The following DNAH7 variants were observed in gnomAD, a reference collection of about 807,000 sequenced individuals.
The protein encoded by DNAH7 is axonemal beta dynein heavy chain 7.
DNAH7 carries 397 observed loss-of-function variants against 444.6 expected under a neutral mutation model. The ratio of observed to expected loss-of-function variants is 0.89; its 90% confidence interval spans 0.82 to 0.97. The LOEUF (loss-of-function observed/expected upper bound fraction) is 0.97. Among genes scored for constraint, DNAH7 ranks in the 50% least tolerant of loss-of-function variants. The probability of loss-of-function intolerance (pLI) is 0.00; values close to 1 mark genes in which losing one functional copy is unlikely to be tolerated. For synonymous variants in DNAH7, 1,636 were observed against 1,624.4 expected, an observed-to-expected ratio of 1.01 and a Z score of -0.17; for missense variants, 4,902 against 4,800.8, an observed-to-expected ratio of 1.02 and a Z score of -0.62.
Position 196,058,069 on chromosome 2 carries a change from T to C in DNAH7, c.63A>G (p.Leu21=). The C allele has an allele frequency of 6.3e-7, 1 of 1,575,234 alleles. No homozygotes were observed. Among genetic ancestry groups the C allele is most frequent in the Non-Finnish European group, 8.6e-7 (1 of 1,159,636 alleles). The change falls in exon 2 of 65, where the codon CTA becomes CTG. Residue 21 remains leucine (L), a synonymous_variant. Transcript: ENST00000312428. The stretch of plus-strand genomic sequence containing the variant: ...GGTAAATTACCATAGACAGCTGTGG[T>C]AGAAATCTTACTGGTTTCTTGGATT... The part of the protein sequence containing the change: ...KEKSKKPVRF[L]PQLSMEKLAS...
chr2:195,861,628 AAAT>A (rs1320869938), intron 42 of DNAH7, 86 bp downstream of exon 42: 1 of 852,342 alleles, frequency 1.2e-6, no homozygotes, highest in East Asian at 2.6e-5. Flanking sequence ...TCTACGAAAT[AAAT>A]CTCCATTATA....
intron 56 of DNAH7, among the ~76,000 whole-genome samples, chr2:195,795,122 T>C (rs1696074008): frequency 6.6e-6 from 1 of 152,224 alleles, no homozygotes; most frequent in East Asian, 1.9e-4. Context: ...GGCTCACGCC[T>C]GTAATCCCAG....
At chr2:195,862,806 C>T (rs1700098666) in intron 41 of DNAH7, among the ~76,000 whole-genome samples, 1 of 152,110 alleles carries the variant, frequency 6.6e-6, no homozygotes, top group Non-Finnish European at 1.5e-5. Context: ...GAGGCCGAGG[C>T]GGGCAGATCA....
At chr2:195,970,178 G>T in intron 16 of DNAH7, 84 bp from the exon 17 acceptor site, 1 of 1,269,376 alleles carries the variant, frequency 7.9e-7, no homozygotes, top group Non-Finnish European at 1.1e-6. Flanking sequence ...GGAGTTATCA[G>T]AATTATTATT....
intron 61 of DNAH7, among the ~76,000 whole-genome samples, chr2:195,762,153 C>T (rs1165574698): frequency 6.6e-6 from 1 of 151,982 alleles, no homozygotes; most frequent in East Asian, 1.9e-4. Context: ...TTTGTTTATG[C>T]AATCGGTTTT....
intron 48 of DNAH7, among the ~76,000 whole-genome samples, chr2:195,832,444 CT>C (rs56382676): frequency 2.9e-3 from 422 of 144,254 alleles, no homozygotes; most frequent in African/African-American, 7.9e-3. Flanking sequence ...TTCTTTCTTT[CT>C]TTTTTTTTTT....
intron 64 of DNAH7, among the ~76,000 whole-genome samples, 147 bp downstream of exon 64, chr2:195,740,599 GTGTGTGTGTGTGTGTGTATA>G (rs1183590512): frequency 4.9e-4 from 17 of 34,868 alleles, no homozygotes; most frequent in African/African-American, 1.5e-3. Context: ...GTGTGTGTGT[GTGTGTGTGTGTGTGTGTATA>G]TATATATATA....
intron 63 of DNAH7, among the ~76,000 whole-genome samples, chr2:195,747,498 A>G (rs1174204874): frequency 6.6e-6 from 1 of 152,244 alleles, no homozygotes; most frequent in East Asian, 1.9e-4. Flanking sequence ...TGAGGCCAGC[A>G]TCATCCTGAT....
intron 15 of DNAH7, among the ~76,000 whole-genome samples, chr2:195,976,931 G>A (rs952335783): frequency 6.6e-6 from 1 of 152,108 alleles, no homozygotes; most frequent in Admixed American, 6.5e-5. Flanking sequence ...CTGGGCTTGG[G>A]GTATCCCTTA....
intron 34 of DNAH7, among the ~76,000 whole-genome samples, chr2:195,885,644 T>G (rs1701660806): frequency 6.6e-6 from 1 of 152,230 alleles, no homozygotes. Context: ...CTACTGATAT[T>G]TTTATTCCCA....
chr2:195,892,819 A>AT (rs1559193835), intron 30 of DNAH7: 2 of 150,116 alleles, frequency 1.3e-5, no homozygotes, highest in African/African-American at 2.5e-5. Context: ...GCAATCATTT[A>AT]TTTTTTATAT....
At chr2:195,941,995 G>C (rs560975156) in intron 19 of DNAH7, among the ~76,000 whole-genome samples, 6 of 152,210 alleles carry the variant, frequency 3.9e-5, no homozygotes, top group Admixed American at 2.6e-4. Flanking sequence ...GCTAATACAC[G>C]TTAGTGACCT....
chr2:195,756,193 T>TGGGTAGGATTTACCC lies in DNAH7; in HGVS notation c.11511_11525dup (p.Gly3838_Pro3842dup). 1 of 1,613,592 alleles carries TGGGTAGGATTTACCC rather than the reference T, an allele frequency of 6.2e-7. No homozygotes were observed. Among genetic ancestry groups the TGGGTAGGATTTACCC allele is most frequent in the Non-Finnish European group, 8.5e-7 (1 of 1,179,662 alleles). ...CATAGCTGCCAAGTGGTTTAAGGCT[T>TGGGTAGGATTTACCC]GGGTAGGATTTACCCATCCACATTT... On this transcript the variant is annotated inframe_insertion, in exon 62 of 65. Transcript: ENST00000312428.
chr2:195,813,116 T>C (rs10931712), intron 51 of DNAH7, among the ~76,000 whole-genome samples: 83,790 of 151,956 alleles, frequency 0.55, 24,027 homozygotes, highest in Non-Finnish European at 0.66. Context: ...CCAAAAGCCA[T>C]GTACAGGAAT....
At chr2:196,020,958 T>C (rs955504804) in intron 8 of DNAH7, among the ~76,000 whole-genome samples, 1 of 152,140 alleles carries the variant, frequency 6.6e-6, no homozygotes, top group Non-Finnish European at 1.5e-5. Flanking sequence ...ACTGAAGTGG[T>C]TATTTAATCA....
At chr2:195,931,064 TACTA>T (rs1261686944) in intron 21 of DNAH7, among the ~76,000 whole-genome samples, 1 of 152,086 alleles carries the variant, frequency 6.6e-6, no homozygotes, top group Non-Finnish European at 1.5e-5. Context: ...AAGGTTGATA[TACTA>T]ACTATTGGGT....
intron 61 of DNAH7, among the ~76,000 whole-genome samples, chr2:195,770,793 C>T (rs1694798871): frequency 1.3e-5 from 2 of 151,852 alleles, no homozygotes; most frequent in African/African-American, 2.4e-5. Context: ...TAGCTTACTG[C>T]AGCCTTAACC....
At chr2:196,027,002 A>C (rs955480424) in intron 6 of DNAH7, 62 bp from the exon 7 acceptor site, 3 of 1,318,194 alleles carry the variant, frequency 2.3e-6, no homozygotes, top group Non-Finnish European at 2.1e-6. Context: ...TATCAAAAAT[A>C]AAACTACCAA....
At chr2:195,800,357 C>T (rs1246522131) in intron 54 of DNAH7, among the ~76,000 whole-genome samples, 1 of 152,142 alleles carries the variant, frequency 6.6e-6, no homozygotes, top group Non-Finnish European at 1.5e-5. Context: ...AAATTCCAAT[C>T]ACGGCAAGTG....
Sources: gnomAD v4.1 joint callset for allele counts (sites outside exome capture counted in the v4.1 genomes callset) on GRCh38, gnomAD v4.1.1 for gene constraint, MANE v1.5 for transcripts, NCBI Gene and HGNC (gene_info 2026-07-23, HGNC 2026-07-21) for gene names.